The following MFSD12 variants were observed in gnomAD, a reference collection of about 807,000 sequenced individuals.
The protein encoded by MFSD12 is major facilitator superfamily domain containing 12, also known as major facilitator superfamily domain-containing protein 12.
A neutral mutation model predicts 51.2 loss-of-function variants in MFSD12; 67 were observed. That is an observed-to-expected ratio of 1.31 (90% CI 1.08 to 1.60). The LOEUF (loss-of-function observed/expected upper bound fraction) is 1.60. Among genes scored for constraint, MFSD12 ranks in the 40% most tolerant of loss-of-function variants. The pLI is 0.00. For missense variants in MFSD12, 921 were observed against 673.0 expected (o/e 1.37, Z -4.08); for synonymous variants, 441 against 316.7 (o/e 1.39, Z -4.17).
In MFSD12 at chr19:3,539,063, C is replaced by G. The variant is rs1307332879; in HGVS notation, c.*6-307G>C. On this transcript the variant is annotated intron_variant, in intron 4 of 4. Coordinates refer to the MFSD12 transcript ENST00000398558. ...GCCCTTCCCTCGAGGCCACCTCACC[C>G]CGCAGCTGGGAGGAGGGAGTGGTCA... 3 of 682,398 alleles carry G rather than the reference C, an allele frequency of 4.4e-6. No individual in the cohort carries two copies. In the African/African-American group the frequency reaches 5.3e-5, roughly 12 times the overall value. 42.3% of individuals were successfully genotyped at this position (682,398 alleles called of 1,614,324 possible).
intron 2 of MFSD12, among the ~76,000 whole-genome samples, chr19:3,548,953 G>A (rs1487994902): frequency 2.9e-5 from 4 of 136,002 alleles, no homozygotes; most frequent in Non-Finnish European, 6.0e-5. Flanking sequence ...TGATACACAG[G>A]CAGATGTGGA....
intron 1 of MFSD12, among the ~76,000 whole-genome samples, chr19:3,552,148 G>A (rs1430865777): frequency 6.6e-6 from 1 of 152,050 alleles, no homozygotes; most frequent in African/African-American, 2.4e-5. Flanking sequence ...ACCCAGCATG[G>A]AACTCGGGCA....
downstream of MFSD12, chr19:3,543,968 C>T (rs769809563): frequency 1.3e-6 from 2 of 1,550,136 alleles, no homozygotes; most frequent in South Asian, 2.4e-5. Context: ...GCCCCTCCAC[C>T]TGCCAGCGGT....
At position 3,551,256 on chromosome 19, in the gene MFSD12, A is replaced by C; in HGVS notation, c.299-62T>G. 1 of 1,323,686 alleles carries C rather than the reference A, an allele frequency of 7.6e-7. No homozygotes were observed. The highest frequency in any genetic ancestry group is 1.0e-6 in the Non-Finnish European group (1 of 968,190). 82.0% of individuals were successfully genotyped at this position (1,323,686 alleles called of 1,614,324 possible). On this transcript the variant is annotated intron_variant, in intron 1 of 9. Coordinates refer to ENST00000355415, the MANE Select transcript of MFSD12 (RefSeq NM_174983.5). This position sits in a 1 kb window ranked among gnomAD's most constrained non-coding sequence, Gnocchi z 4.6. ...CGCACCAGCCAGGGCTCCCAGGGTG[A>C]GGACATGGAGGGAGGAGAGAGGGAA...
In MFSD12 at chr19:3,547,924, G is replaced by T. The variant is rs747397118; in HGVS notation, c.761C>A (p.Thr254Asn). 3.8e-6 allele frequency: 6 copies of T among 1,584,834 alleles called. No individual in the cohort carries two copies. The Admixed American group carries it at 9.6e-5, about 25-fold the overall frequency. The change falls in exon 4 of 10, where the codon ACC becomes AAC. Residue 254 changes from threonine to asparagine, a missense_variant. Coordinates refer to ENST00000355415, the MANE Select transcript of MFSD12 (RefSeq NM_174983.5). ...RPHAEEPGEH[T>N]PLLAPATAQP... Reference sequence around the variant, plus strand: ...GGCCGTGGCAGGGGCCAACAGGGGGGTGTGCTCGCCTGGCTCCTCCGCATG... The same window carrying T: ...GGCCGTGGCAGGGGCCAACAGGGGGTTGTGCTCGCCTGGCTCCTCCGCATG...
downstream of MFSD12, chr19:3,543,101 C>G: frequency 6.5e-7 from 1 of 1,538,752 alleles, no homozygotes; most frequent in Non-Finnish European, 8.7e-7. Context: ...GAAGGACAGA[C>G]TCCAAGTGGC....
downstream of MFSD12, chr19:3,542,465 C>CT (rs1418814758): frequency 2.0e-6 from 2 of 985,028 alleles, no homozygotes; most frequent in Non-Finnish European, 2.4e-6. Flanking sequence ...CATAAAACAT[C>CT]TTTGAGTCTC....
downstream of MFSD12, chr19:3,543,682 TGAGGCTAGGTGCAGGGTGGGTCCTTGG>T (rs748530456): frequency 1.3e-6 from 2 of 1,532,358 alleles, no homozygotes; most frequent in African/African-American, 1.4e-5. Context: ...AGGAATACGG[TGAGGCTAGGTGCAGGGTGGGTCCTTGG>T]GAGGCCAGGG....
Position 3,547,582 on chromosome 19 carries a change from C to G in MFSD12, c.838-35G>C, listed in dbSNP as rs761508252. ...GACCGACAGAGGGACTGGCAGGGGT[C>G]AGGAGGGCCTTCTCCACTCCCACCA... is the stretch of plus-strand genomic sequence containing the variant. On this transcript the variant is annotated intron_variant, in intron 4 of 9. Coordinates refer to ENST00000355415, the MANE Select transcript of MFSD12 (RefSeq NM_174983.5). The G allele has an allele frequency of 1.9e-6, 3 of 1,566,280 alleles. No homozygotes were observed. In the African/African-American group the frequency reaches 4.1e-5, roughly 21 times the overall value.
downstream of MFSD12, chr19:3,544,081 CCAGAGGCTCGGGA>C (rs1162551509): frequency 9.6e-6 from 14 of 1,457,336 alleles, no homozygotes; most frequent in East Asian, 2.5e-5. Flanking sequence ...TCCCAGGGGA[CCAGAGGCTCGGGA>C]CAGAGGCAGA....
chr19:3,538,790 T>G, intron 4 of MFSD12: 1 of 535,782 alleles, frequency 1.9e-6, no homozygotes. Context: ...TGGATGTGAG[T>G]GGGTGAGGAG....
chr19:3,549,499 A>G (rs1357468187), intron 2 of MFSD12, among the ~76,000 whole-genome samples: 6 of 151,960 alleles, frequency 3.9e-5, no homozygotes, highest in Admixed American at 1.3e-4. Flanking sequence ...TGAGGCAGGC[A>G]GATCACTGAG....
rs1051850027 is a variant in MFSD12 at position 3,551,676 on chromosome 19, G to A, written c.299-482C>T. Among the ~76,000 whole-genome samples the A allele has an allele frequency of 1.3e-5, 2 of 152,094 alleles. No individual in the cohort carries two copies. Among genetic ancestry groups the A allele is most frequent in the South Asian group, 2.1e-4 (1 of 4,826 alleles). ...CAGGGACAGTCAGGAAATAGCACCC[G>A]CCCCCACCTGAGATCTGCGGTGGCA... On this transcript the variant is annotated intron_variant, in intron 1 of 9. Coordinates refer to ENST00000355415, the MANE Select transcript of MFSD12 (RefSeq NM_174983.5). This position sits in a 1 kb window ranked among gnomAD's most constrained non-coding sequence, Gnocchi z 4.6.
downstream of MFSD12, chr19:3,544,073 C>T (rs1290334779): frequency 1.4e-6 from 2 of 1,464,702 alleles, no homozygotes; most frequent in Non-Finnish European, 1.8e-6. Context: ...TAACCTAGTC[C>T]CAGGGGACCA....
chr19:3,554,100 T>A (rs1416921121), intron 1 of MFSD12, among the ~76,000 whole-genome samples: 1 of 150,064 alleles, frequency 6.7e-6, no homozygotes, highest in Non-Finnish European at 1.5e-5. Flanking sequence ...AAAATAAAAA[T>A]AAATAAAAAA....
intron 8 of MFSD12, among the ~76,000 whole-genome samples, chr19:3,545,784 T>C (rs557867420): frequency 6.6e-6 from 1 of 152,374 alleles, no homozygotes; most frequent in South Asian, 2.1e-4. Flanking sequence ...CCCTGAGTTC[T>C]GTGGGTCTGG....
rs575569865 is a variant in MFSD12, at chr19:3,549,566, T to C, written c.510-1299A>G. Among the ~76,000 whole-genome samples, 5 of 147,884 alleles carry C rather than the reference T, an allele frequency of 3.4e-5. No homozygotes were observed. The South Asian group carries it at 8.6e-4, about 26-fold the overall frequency. ...GGTGAAATCCCATCTCTACTAAAAATACAAAAATTAGCCGGGGGTGGTGGC... is the reference window on the plus strand; with the variant it reads ...GGTGAAATCCCATCTCTACTAAAAACACAAAAATTAGCCGGGGGTGGTGGC... On this transcript the variant is annotated intron_variant, in intron 2 of 9. Transcript: ENST00000355415.
chr19:3,539,753 G>A (rs998851106), downstream of MFSD12: 6 of 159,860 alleles, frequency 3.8e-5, no homozygotes, highest in African/African-American at 9.6e-5. Context: ...ATCCTAACAC[G>A]GGGTGACCTC....
At chr19:3,548,636 A>G (rs1209811130) in intron 2 of MFSD12, among the ~76,000 whole-genome samples, 3 of 152,172 alleles carry the variant, frequency 2.0e-5, no homozygotes, top group Non-Finnish European at 4.4e-5. Context: ...TCCCTGGTCT[A>G]GAACCATCCA....
Sources: gnomAD v4.1 joint callset for allele counts (sites outside exome capture counted in the v4.1 genomes callset) on GRCh38, gnomAD v4.1.1 for gene constraint, Gnocchi (gnomAD v3.1) non-coding constraint, MANE v1.5 for transcripts, NCBI Gene and HGNC (gene_info 2026-07-23, HGNC 2026-07-21) for gene names.